Variants in ADGRL4 observed in about 807,000 individuals in gnomAD.
The protein encoded by ADGRL4 is adhesion G protein-coupled receptor L4, also known as EGF, latrophilin and seven transmembrane domain containing 1.
Under a neutral mutation model 74.8 loss-of-function variants are expected in ADGRL4, and 90 were observed. That is an observed-to-expected ratio of 1.20 (90% CI 1.02 to 1.43). ADGRL4 has a LOEUF of 1.43. Ranked by LOEUF, ADGRL4 falls within the 40% of genes most tolerant of loss-of-function variation. ADGRL4 has a pLI of 0.00. For synonymous variants in ADGRL4, 311 were observed against 279.2 expected (o/e 1.11, Z -1.14); for missense variants, 881 against 814.3 (o/e 1.08, Z -1.00).
At chr1:78,980,162 G>A (rs561376210) in intron 2 of ADGRL4, among the ~76,000 whole-genome samples, 18 of 151,264 alleles carry the variant, frequency 1.2e-4, no homozygotes, top group Non-Finnish European at 2.2e-4. Context: ...AGACTCATGC[G>A]TGTGCACACA....
Position 78,993,804 on chromosome 1 carries a change from A to T in ADGRL4, c.172+11266T>A, listed in dbSNP as rs191992195. ...TAGCTAGGATGGTCTCGATTTCCTG[A>T]CCTCGTGATCCGTCCGCCTTGGCCT... On this transcript the variant is annotated intron_variant, in intron 2 of 14. Coordinates refer to ENST00000370742, the MANE Select transcript of ADGRL4 (RefSeq NM_022159.4). Among the ~76,000 whole-genome samples, 22 of 151,978 alleles carry T rather than the reference A, an allele frequency of 1.4e-4. No individual in the cohort carries two copies. In the East Asian group the frequency reaches 3.3e-3, roughly 23 times the overall value.
At chr1:78,995,059 C>T (rs1247347637) in intron 2 of ADGRL4, among the ~76,000 whole-genome samples, 1 of 152,140 alleles carries the variant, frequency 6.6e-6, no homozygotes, top group East Asian at 1.9e-4. Context: ...AATTACAACC[C>T]TCCTGTCCCT....
intron 2 of ADGRL4, among the ~76,000 whole-genome samples, chr1:78,978,285 T>C (rs976982792): frequency 6.6e-6 from 1 of 151,944 alleles, no homozygotes; most frequent in Non-Finnish European, 1.5e-5. Context: ...GGAAATTTTC[T>C]TGCCTTCTGT....
At chr1:78,935,636 A>C (rs1649337700) in intron 7 of ADGRL4, among the ~76,000 whole-genome samples, 4 of 152,176 alleles carry the variant, frequency 2.6e-5, no homozygotes, top group Admixed American at 2.6e-4. Context: ...TGAGGAAGAA[A>C]TATTAAAGGA....
At chr1:78,891,778 G>T in intron 13 of ADGRL4, 86 bp from the exon 14 acceptor site, 1 of 1,207,416 alleles carries the variant, frequency 8.3e-7, no homozygotes, top group Non-Finnish European at 1.1e-6. Flanking sequence ...TGGGAGGTGA[G>T]TTTTCAGTAT....
chr1:78,959,677 T>A (rs1296351231), intron 2 of ADGRL4, among the ~76,000 whole-genome samples: 1 of 152,178 alleles, frequency 6.6e-6, no homozygotes, highest in African/African-American at 2.4e-5. Context: ...CAATTTGTAT[T>A]TCCTTGTATT....
chr1:78,979,197 T>C (rs1208895561), intron 2 of ADGRL4, among the ~76,000 whole-genome samples: 1 of 151,968 alleles, frequency 6.6e-6, no homozygotes, highest in Admixed American at 6.6e-5. Context: ...ATGAGATCTA[T>C]ATTCCTAAAA....
chr1:78,923,869 A>G (rs1649052165), intron 8 of ADGRL4, among the ~76,000 whole-genome samples: 1 of 151,956 alleles, frequency 6.6e-6, no homozygotes, highest in African/African-American at 2.4e-5. Flanking sequence ...ACTAAGAGGA[A>G]CAGAAAAAGA....
intron 2 of ADGRL4, among the ~76,000 whole-genome samples, chr1:78,965,332 T>C (rs747497659): frequency 6.6e-6 from 1 of 152,110 alleles, no homozygotes; most frequent in Non-Finnish European, 1.5e-5. Flanking sequence ...GAAAAAGAAA[T>C]ATTTGGAGCA....
chr1:78,936,289 T>C lies in ADGRL4; in HGVS notation c.877+6A>G. ...TATATTGTCTGTTAGATTGTTAAAG[T>C]CCTACCATTTGAATCATATGCAGCT... On this transcript the variant is annotated splice_donor_region_variant and intron_variant, in intron 7 of 14. Coordinates refer to ENST00000370742, the MANE Select transcript of ADGRL4 (RefSeq NM_022159.4). 1.3e-6 allele frequency: 2 copies of C among 1,588,936 alleles called. No homozygotes were observed. Among genetic ancestry groups the C allele is most frequent in the Non-Finnish European group, 1.7e-6 (2 of 1,170,902 alleles).
At chr1:78,896,794 G>T (rs1293040863) in intron 12 of ADGRL4, among the ~76,000 whole-genome samples, 2 of 152,068 alleles carry the variant, frequency 1.3e-5, no homozygotes, top group East Asian at 3.9e-4. Flanking sequence ...TAAAATAAAA[G>T]ATTGCACAGT....
intron 2 of ADGRL4, among the ~76,000 whole-genome samples, chr1:78,966,804 T>C (rs138190925): frequency 6.6e-6 from 1 of 152,212 alleles, no homozygotes; most frequent in Non-Finnish European, 1.5e-5. Context: ...CCAGGCATTC[T>C]TTTTTCTTTT....
At chr1:78,948,174 T>A (rs1649648985) in intron 2 of ADGRL4, among the ~76,000 whole-genome samples, 1 of 152,086 alleles carries the variant, frequency 6.6e-6, no homozygotes, top group Admixed American at 6.6e-5. Context: ...AAAATTTTAA[T>A]CCCTAGCATT....
chr1:78,919,252 C>T (rs1648947172), intron 10 of ADGRL4, among the ~76,000 whole-genome samples: 1 of 151,962 alleles, frequency 6.6e-6, no homozygotes, highest in African/African-American at 2.4e-5. Flanking sequence ...GAATACACTT[C>T]TCCAATCTCC....
At chr1:78,937,772 A>C (rs776631692) in intron 6 of ADGRL4, 35 bp downstream of exon 6, 2 of 1,577,296 alleles carry the variant, frequency 1.3e-6, no homozygotes, top group Admixed American at 3.8e-5. Flanking sequence ...TATTTGGAAA[A>C]CACAATTACT....
At chr1:79,004,166 C>T (rs1472020415) in intron 2 of ADGRL4, among the ~76,000 whole-genome samples, 1 of 152,036 alleles carries the variant, frequency 6.6e-6, no homozygotes, top group African/African-American at 2.4e-5. Flanking sequence ...AGAAAAAGTT[C>T]ATGTTATCCT....
At chr1:78,989,411 A>G (rs1650559368) in intron 2 of ADGRL4, among the ~76,000 whole-genome samples, 2 of 151,922 alleles carry the variant, frequency 1.3e-5, no homozygotes. Context: ...AAAGGAAATT[A>G]AAGAAACTTA....
chr1:78,919,950 T>A (rs932866892), intron 10 of ADGRL4, among the ~76,000 whole-genome samples: 23 of 151,986 alleles, frequency 1.5e-4, no homozygotes, highest in Admixed American at 1.1e-3. Flanking sequence ...TGCAAAGTTT[T>A]AACTTGTCCC....
chr1:78,954,194 C>G (rs528758811), intron 2 of ADGRL4, among the ~76,000 whole-genome samples: 1 of 151,864 alleles, frequency 6.6e-6, no homozygotes, highest in South Asian at 2.1e-4. Flanking sequence ...TAGTCTGCAC[C>G]TAGTAGGGTT....
Sources: allele counts gnomAD v4.1 joint callset (sites outside exome capture counted in the v4.1 genomes callset), GRCh38; gene constraint gnomAD v4.1.1; transcripts MANE v1.5; gene names NCBI Gene and HGNC (gene_info 2026-07-23, HGNC 2026-07-21).